The following OTOGL variants were observed in gnomAD, a reference collection of about 807,000 sequenced individuals.
OTOGL encodes the protein otogelin-like protein.
In OTOGL, 285 loss-of-function variants were observed where a neutral mutation model predicts 318.5. The ratio of observed to expected loss-of-function variants is 0.89; its 90% CI spans 0.81 to 0.99. The LOEUF (loss-of-function observed/expected upper bound fraction) is 0.99, where lower values mean the gene tolerates loss of function less well. Ranked by LOEUF, OTOGL falls within the 50% of genes least tolerant of loss-of-function variation. OTOGL has a pLI of 0.00. For missense variants in OTOGL, 2,899 were observed against 2,845.6 expected, an observed-to-expected ratio of 1.02 and a Z score of -0.43; for synonymous variants, 987 against 936.5, an observed-to-expected ratio of 1.05 and a Z score of -0.99.
Position 80,236,629 on chromosome 12 carries a change from A to G in OTOGL, c.818-2222A>G, listed in dbSNP as rs546861805. Among the ~76,000 whole-genome samples, 6 of 152,258 alleles carry G rather than the reference A, an allele frequency of 3.9e-5. No homozygotes were observed. The South Asian group carries it at 1.2e-3, about 32-fold the overall frequency. Reference sequence around the variant, plus strand: ...AAAAAATGTTTTGAAAGGAAATGTAACTATAAGTGTACTTAAAAAGGACAT... The same window carrying G: ...AAAAAATGTTTTGAAAGGAAATGTAGCTATAAGTGTACTTAAAAAGGACAT... On this transcript the variant is annotated intron_variant, in intron 9 of 58. Transcript: ENST00000547103.
At chr12:80,118,792 A>G (rs759380342) in intron 1 of OTOGL, among the ~76,000 whole-genome samples, 2 of 151,874 alleles carry the variant, frequency 1.3e-5, no homozygotes, top group African/African-American at 4.8e-5. Flanking sequence ...TGGAAAAGTC[A>G]TTTTATCAAG....
At chr12:80,211,839 T>C in intron 3 of OTOGL, 110 bp from the exon 4 acceptor site, 1 of 900,980 alleles carries the variant, frequency 1.1e-6, no homozygotes, top group Non-Finnish European at 1.7e-6. Context: ...AAAGACCTCT[T>C]TGATAAAGTG....
At chr12:80,348,165 T>A (rs1394819263) in intron 44 of OTOGL, among the ~76,000 whole-genome samples, 2 of 136,240 alleles carry the variant, frequency 1.5e-5, no homozygotes, top group Non-Finnish European at 3.4e-5. Flanking sequence ...GTTGCCATTG[T>A]TTTTGGTGTT....
At chr12:80,108,754 A>T (rs866131551) in intron 1 of OTOGL, among the ~76,000 whole-genome samples, 112 of 135,140 alleles carry the variant, frequency 8.3e-4, no homozygotes, top group Non-Finnish European at 4.8e-4. Flanking sequence ...TATTTAAAAA[A>T]ATATATATAT....
chr12:80,181,039 C>A (rs865932634), intron 1 of OTOGL, among the ~76,000 whole-genome samples: 14 of 152,104 alleles, frequency 9.2e-5, no homozygotes, highest in South Asian at 2.1e-4. Context: ...TCCCTTAGGG[C>A]AAAGAGGTTA....
intron 12 of OTOGL, 111 bp downstream of exon 12, chr12:80,251,910 T>C (rs1881589257): frequency 8.3e-7 from 1 of 1,203,084 alleles, no homozygotes; most frequent in Non-Finnish European, 1.1e-6. Flanking sequence ...GGATTTGTTA[T>C]TGAGATATCC....
chr12:80,241,101 G>A (rs527286553), intron 11 of OTOGL, among the ~76,000 whole-genome samples: 1 of 152,048 alleles, frequency 6.6e-6, no homozygotes, highest in South Asian at 2.1e-4. Context: ...AGCTCATTAA[G>A]AGGTTTATCA....
chr12:80,156,044 T>C (rs537569415), intron 1 of OTOGL, among the ~76,000 whole-genome samples: 1 of 152,312 alleles, frequency 6.6e-6, no homozygotes, highest in East Asian at 1.9e-4. Flanking sequence ...GTCAACTTGA[T>C]TGGATTGAAG....
At chr12:80,267,583 G>T (rs962772186) in intron 22 of OTOGL, among the ~76,000 whole-genome samples, 3 of 105,322 alleles carry the variant, frequency 2.8e-5, no homozygotes, top group South Asian at 2.9e-4. Flanking sequence ...AACAGGCCCC[G>T]GTGTATGATG....
intron 1 of OTOGL, among the ~76,000 whole-genome samples, chr12:80,166,336 A>G (rs1194801836): frequency 6.6e-6 from 1 of 152,104 alleles, no homozygotes; most frequent in African/African-American, 2.4e-5. Flanking sequence ...ACATTATTAG[A>G]CAAGCTCTTC....
chr12:80,317,317 C>A (rs1199425117), intron 32 of OTOGL, among the ~76,000 whole-genome samples: 1 of 152,142 alleles, frequency 6.6e-6, no homozygotes, highest in African/African-American at 2.4e-5. Context: ...AGATCAATGA[C>A]TTTTGTCTCC....
chr12:80,366,267 G>A (rs1046722784), intron 52 of OTOGL: 4 of 444,442 alleles, frequency 9.0e-6, no homozygotes, highest in Non-Finnish European at 1.8e-5. Flanking sequence ...GTATACTATA[G>A]CAGCCTTGTG....
At chr12:80,128,684 C>T (rs1871027194) in intron 1 of OTOGL, among the ~76,000 whole-genome samples, 2 of 152,186 alleles carry the variant, frequency 1.3e-5, no homozygotes, top group Admixed American at 6.5e-5. Flanking sequence ...GTGGTAGGCT[C>T]CACCTAGTTC....
At position 80,232,964 on chromosome 12, in the gene OTOGL, C is replaced by T. The variant is rs1879500966; in HGVS notation, c.684C>T (p.Thr228=). 6.3e-7 allele frequency: 1 copy of T among 1,599,138 alleles called. No homozygotes were observed. The highest frequency in any genetic ancestry group is 8.5e-7 in the Non-Finnish European group (1 of 1,179,482). The stretch of plus-strand genomic sequence containing the variant: ...CTGACTACATTCTTGTGAAAACAAC[C>T]TTTGGCTTTTCATTGGCTTGGGACG... ...KLADYILVKT[T]FGFSLAWDGI... The change falls in exon 9 of 59, where the codon ACC becomes ACT. Residue 228 remains threonine, a synonymous_variant. Coordinates refer to ENST00000547103, the MANE Select transcript of OTOGL (RefSeq NM_001378609.3).
Position 80,232,909 on chromosome 12 carries a change from C to T in OTOGL, c.629C>T (p.Thr210Ile). ...TTTTCAAGTTTAACATTGCCTCAGA[C>T]AATTGGACAGATTTTCATTGAGAAA... ...KNGISLTLPQ[T>I]IGQIFIEKLA... Residue 210 changes from threonine (T) to isoleucine (I), a missense_variant, in exon 9 of 59, where the codon ACA becomes ATA. Physicochemically the swap from Thr to Ile is moderately conservative, Grantham distance 89 (BLOSUM62 -1). This residue lies in a region of OTOGL where 2,607 missense variants were observed against 2,524.9 expected (regional missense o/e 1.03). Transcript: ENST00000547103. The T allele has an allele frequency of 6.3e-7, 1 of 1,598,316 alleles. No individual in the cohort carries two copies. The highest frequency in any genetic ancestry group is 8.5e-7 in the Non-Finnish European group (1 of 1,178,822).
At chr12:80,164,699 T>A (rs1254528927) in intron 1 of OTOGL, among the ~76,000 whole-genome samples, 4 of 152,254 alleles carry the variant, frequency 2.6e-5, no homozygotes, top group Middle Eastern at 3.4e-3. Context: ...AGTGAGACTG[T>A]CAGGCTGGCT....
At chr12:80,314,723 T>C (rs760285123) in intron 32 of OTOGL, among the ~76,000 whole-genome samples, 3 of 152,158 alleles carry the variant, frequency 2.0e-5, no homozygotes, top group Non-Finnish European at 2.9e-5. Context: ...ATCTTATTTT[T>C]AAATTGACAA....
At chr12:80,327,515 C>T (rs912960097) in intron 35 of OTOGL, among the ~76,000 whole-genome samples, 1 of 152,114 alleles carries the variant, frequency 6.6e-6, no homozygotes, top group Non-Finnish European at 1.5e-5. Context: ...ATCCCTTCCA[C>T]CTAGAGATCA....
Position 80,118,147 on chromosome 12 carries a change from C to G in OTOGL, c.-20+18542C>G, listed in dbSNP as rs544177628. 3.1e-3 allele frequency among the ~76,000 whole-genome samples: 472 copies of G among 152,192 alleles called. 3 individuals carry two copies. The highest frequency in any genetic ancestry group is 0.011 in the African/African-American group (453 of 41,520). On this transcript the variant is annotated intron_variant, in intron 1 of 58. Transcript: ENST00000547103. ...TCAGAACTATAGGAACACCCCAAGT[C>G]ACTGTCTAATTTAGGAGATTGGCCC...
Sources: allele counts gnomAD v4.1 joint callset (sites outside exome capture counted in the v4.1 genomes callset), GRCh38; gene constraint gnomAD v4.1.1; regional missense constraint gnomAD v4.1.1; transcripts MANE v1.5; gene names NCBI Gene and HGNC (gene_info 2026-07-23, HGNC 2026-07-21).